TTC39B: variants seen among roughly 807,000 people sequenced by gnomAD.
TTC39B encodes the protein tetratricopeptide repeat protein 39B.
TTC39B carries 92 observed loss-of-function variants against 96.6 expected under a neutral mutation model. The observed-to-expected ratio is 0.95, with a 90% CI of 0.80 to 1.13. TTC39B has a LOEUF of 1.13. TTC39B is among the 50% of genes most tolerant of loss of function. The pLI is 0.00. For missense variants in TTC39B, 955 were observed against 809.3 expected (o/e 1.18, Z -2.18); for synonymous variants, 367 against 299.4 (o/e 1.23, Z -2.33).
At chr9:15,199,539 T>A (rs4741476) in intron 8 of TTC39B, among the ~76,000 whole-genome samples, 1 of 150,668 alleles carries the variant, frequency 6.6e-6, no homozygotes, top group Non-Finnish European at 1.5e-5. Flanking sequence ...ATCGAGACCA[T>A]CCTGACTAAC....
chr9:15,287,001 C>T lies in TTC39B; in HGVS notation c.241-19053G>A, dbSNP rs374914858. Among the ~76,000 whole-genome samples, 2 of 148,714 alleles carry T rather than the reference C, an allele frequency of 1.3e-5. 1 individual carries two copies. Among genetic ancestry groups the T allele is most frequent in the Middle Eastern group, 6.8e-3 (2 of 294 alleles). On this transcript the variant is annotated intron_variant, in intron 1 of 19. Coordinates refer to ENST00000512701, the Ensembl canonical transcript of TTC39B. ...TGAGAATTCTGTTTTGTCAAGGAAT[C>T]TTAGAAGGCTAAGGAATAGCTAAAC...
intron 2 of TTC39B, among the ~76,000 whole-genome samples, chr9:15,231,692 T>G (rs949948079): frequency 6.6e-6 from 1 of 152,180 alleles, no homozygotes; most frequent in Non-Finnish European, 1.5e-5. Context: ...AAATTTAACT[T>G]CCCCAATAAA....
chr9:15,166,982 T>TTATATATATATATATATA (rs1174714919), exon 20 of TTC39B: 1 of 20,280 alleles, frequency 4.9e-5, no homozygotes, highest in Non-Finnish European at 8.8e-5. Flanking sequence ...AACCTTTATT[T>TTATATATATATATATATA]TATATATATA....
At chr9:15,233,825 G>T (rs1291225738) in intron 2 of TTC39B, among the ~76,000 whole-genome samples, 2 of 149,936 alleles carry the variant, frequency 1.3e-5, no homozygotes, top group Non-Finnish European at 3.0e-5. Flanking sequence ...CCATCCTCTG[G>T]GATGTGAGGA....
At chr9:15,276,497 G>C (rs747159824) in intron 1 of TTC39B, among the ~76,000 whole-genome samples, 1 of 152,180 alleles carries the variant, frequency 6.6e-6, no homozygotes, top group African/African-American at 2.4e-5. Flanking sequence ...TTGATGACAT[G>C]AGCCCTCCCT....
intron 2 of TTC39B, chr9:15,249,797 G>A: frequency 1.3e-6 from 1 of 791,734 alleles, no homozygotes. Flanking sequence ...GCAGGTTCCA[G>A]TGAAATTTAA....
At chr9:15,233,573 G>T (rs1482934054) in intron 2 of TTC39B, among the ~76,000 whole-genome samples, 1 of 151,418 alleles carries the variant, frequency 6.6e-6, no homozygotes, top group Non-Finnish European at 1.5e-5. Flanking sequence ...GGCCGGGCTG[G>T]TCTCCAGCTC....
chr9:15,199,542 T>C (rs1180753317), intron 8 of TTC39B, among the ~76,000 whole-genome samples: 1 of 151,562 alleles, frequency 6.6e-6, no homozygotes, highest in Non-Finnish European at 1.5e-5. Context: ...GAGACCATCC[T>C]GACTAACACA....
At position 15,304,952 on chromosome 9, in the gene TTC39B, A is replaced by G. The variant is rs143681412; in HGVS notation, c.240+2132T>C. On this transcript the variant is annotated intron_variant, in intron 1 of 19. Coordinates refer to ENST00000512701, the Ensembl canonical transcript of TTC39B. ...CCTAACCTGGTACTTTTCCAACTATATCACTTTGTCCCTTTTAACTCCCCC... is the reference window on the plus strand; with the variant it reads ...CCTAACCTGGTACTTTTCCAACTATGTCACTTTGTCCCTTTTAACTCCCCC... Among the ~76,000 whole-genome samples the G allele has an allele frequency of 7.0e-4, 106 of 152,304 alleles. 1 individual carries two copies. The highest frequency in any genetic ancestry group is 2.4e-3 in the African/African-American group (100 of 41,560).
intron 3 of TTC39B, among the ~76,000 whole-genome samples, chr9:15,220,975 A>C (rs1422168074): frequency 1.3e-5 from 2 of 152,204 alleles, no homozygotes; most frequent in Non-Finnish European, 2.9e-5. Context: ...CAAGAAAACC[A>C]CAGCAGTGAT....
intron 7 of TTC39B, 120 bp downstream of exon 7, chr9:15,203,703 T>C: frequency 1.4e-6 from 1 of 722,468 alleles, no homozygotes; most frequent in Non-Finnish European, 2.2e-6. Flanking sequence ...ATAACAAATA[T>C]TTGCCATTAC....
chr9:15,225,303 C>G (rs1362794173), intron 3 of TTC39B, among the ~76,000 whole-genome samples: 1 of 151,990 alleles, frequency 6.6e-6, no homozygotes, highest in African/African-American at 2.4e-5. Context: ...AAAAAGAATA[C>G]ACACAAAAAT....
At chr9:15,233,584 C>T (rs762079902) in intron 2 of TTC39B, among the ~76,000 whole-genome samples, 5 of 151,708 alleles carry the variant, frequency 3.3e-5, no homozygotes, top group East Asian at 1.9e-4. Context: ...TCTCCAGCTC[C>T]TAACCGCCAG....
intron 2 of TTC39B, among the ~76,000 whole-genome samples, chr9:15,247,671 T>C (rs1180910294): frequency 1.3e-5 from 2 of 152,178 alleles, no homozygotes; most frequent in East Asian, 1.9e-4. Flanking sequence ...AATCCTGTCC[T>C]TTCTAAAGTG....
intron 2 of TTC39B, among the ~76,000 whole-genome samples, chr9:15,251,731 A>ATATATATATATATATGTATG (rs1563764609): frequency 7.1e-5 from 9 of 126,968 alleles, no homozygotes; most frequent in African/African-American, 2.9e-4. Context: ...ATATATATAT[A>ATATATATATATATATGTATG]TATATGTAGT....
At chr9:15,211,752 G>T (rs1020805117) in intron 4 of TTC39B, among the ~76,000 whole-genome samples, 2 of 152,176 alleles carry the variant, frequency 1.3e-5, no homozygotes, top group Non-Finnish European at 2.9e-5. Context: ...AAGGCCGCTG[G>T]AAATGTATTT....
chr9:15,263,451 G>A (rs765171889), intron 2 of TTC39B, among the ~76,000 whole-genome samples: 12 of 152,142 alleles, frequency 7.9e-5, no homozygotes, highest in Non-Finnish European at 1.0e-4. Flanking sequence ...GGTCAGTCCC[G>A]TCTCCCCAGG....
At chr9:15,303,431 C>T (rs1414760043) in intron 1 of TTC39B, among the ~76,000 whole-genome samples, 1 of 149,144 alleles carries the variant, frequency 6.7e-6, no homozygotes, top group African/African-American at 2.5e-5. Context: ...AGTGCAGTGG[C>T]ATGATCAGAG....
At chr9:15,250,067 T>C (rs1361204839) in intron 2 of TTC39B, 12 of 1,283,014 alleles carry the variant, frequency 9.4e-6, no homozygotes, top group South Asian at 2.5e-5. Context: ...AATTTCTATT[T>C]TATTCCTTGG....
Sources: gnomAD v4.1 joint callset for allele counts (sites outside exome capture counted in the v4.1 genomes callset) on GRCh38, gnomAD v4.1.1 for gene constraint, MANE v1.5 for transcripts, NCBI Gene and HGNC (gene_info 2026-07-23, HGNC 2026-07-21) for gene names.